NPC1: variants seen among roughly 807,000 people sequenced by gnomAD.
The protein encoded by NPC1 is Niemann-Pick C1 protein.
NPC1 carries 85 observed loss-of-function variants against 140.4 expected under a neutral mutation model. That is an observed-to-expected ratio of 0.61 (90% confidence interval 0.51 to 0.72). The LOEUF is 0.72. Ranked by LOEUF, NPC1 falls within the 30% of genes least tolerant of loss-of-function variation. The pLI, the probability that NPC1 is intolerant of heterozygous loss-of-function variation, is 0.00. For missense variants in NPC1, 1,504 were observed against 1,623.8 expected, an observed-to-expected ratio of 0.93 and a Z score of 1.27; for synonymous variants, 656 against 624.8, an observed-to-expected ratio of 1.05 and a Z score of -0.74.
rs1272422974 is a variant in NPC1 at position 23,586,316 on chromosome 18, G to A, written c.28C>T (p.Leu10Phe). MTARGLALGLLLLLLCPAQV... is the reference protein window; with the variant it reads MTARGLALGFLLLLLCPAQV... ...GCTGGACACAGTAGCAGCAGGAGGA[G>A]GCCAAGGGCCAGGCCGCGAGCGGTC... Residue 10 changes from leucine (L) to phenylalanine (F), a missense_variant, in exon 1 of 25, where the codon CTC becomes TTC. Transcript: ENST00000269228. 2 of 1,534,106 alleles carry A rather than the reference G, an allele frequency of 1.3e-6. No homozygotes were observed. Among genetic ancestry groups the A allele is most frequent in the Admixed American group, 2.0e-5 (1 of 50,968 alleles).
intron 8 of NPC1, among the ~76,000 whole-genome samples, chr18:23,555,750 T>G (rs1213462895): frequency 1.3e-5 from 2 of 152,118 alleles, no homozygotes; most frequent in Admixed American, 1.3e-4. Context: ...ACAGGCTGGG[T>G]GCCCATGTTC....
chr18:23,544,547 A>G, intron 12 of NPC1, 21 bp from the exon 13 acceptor site: 1 of 1,612,392 alleles, frequency 6.2e-7, no homozygotes, highest in South Asian at 1.1e-5. Context: ...CGACAGACAC[A>G]ATCACCAATT....
intron 4 of NPC1, among the ~76,000 whole-genome samples, chr18:23,565,224 T>C (rs997751130): frequency 1.3e-5 from 2 of 152,274 alleles, no homozygotes; most frequent in African/African-American, 2.4e-5. Flanking sequence ...GAGATTGCCC[T>C]GAATCTATAA....
At chr18:23,532,685 G>C (rs185336753) in intron 24 of NPC1, among the ~76,000 whole-genome samples, 1 of 137,756 alleles carries the variant, frequency 7.3e-6, no homozygotes, top group African/African-American at 2.8e-5. Flanking sequence ...GCCTTCCAAA[G>C]TGCTCATCTC....
At chr18:23,570,027 T>C (rs2059178912) in intron 3 of NPC1, among the ~76,000 whole-genome samples, 1 of 152,230 alleles carries the variant, frequency 6.6e-6, no homozygotes. Flanking sequence ...GAAAAAAGTG[T>C]GTCCTGGCCT....
chr18:23,520,431 T>C (rs2058113384), downstream of NPC1: 19 of 863,236 alleles, frequency 2.2e-5, no homozygotes. Flanking sequence ...GATTCCCAGA[T>C]CTGTCTGATT....
downstream of NPC1, chr18:23,528,932 T>C (rs770937862): frequency 3.9e-5 from 15 of 387,984 alleles, no homozygotes; most frequent in Non-Finnish European, 6.0e-5. Flanking sequence ...CAGGCTGGAG[T>C]GCAATGGTGA....
intron 1 of NPC1, among the ~76,000 whole-genome samples, chr18:23,523,299 G>C (rs2058193052): frequency 6.6e-6 from 1 of 152,128 alleles, no homozygotes; most frequent in Non-Finnish European, 1.5e-5. Context: ...CATGGCTCAT[G>C]AGCAGTATAA....
At chr18:23,528,901 C>A, downstream of NPC1, 1 of 274,844 alleles carries the variant, frequency 3.6e-6, no homozygotes. Flanking sequence ...TTTTTTGAGA[C>A]GGAGTTTTGT....
chr18:23,563,670 G>A lies in NPC1; in HGVS notation c.464-2143C>T, dbSNP rs55877882. On this transcript the variant is annotated intron_variant, in intron 4 of 24. Coordinates refer to ENST00000269228, the MANE Select transcript of NPC1 (RefSeq NM_000271.5). The stretch of plus-strand genomic sequence containing the variant: ...CTAAGGTGATCCACCTGCCTTGGCC[G>A]TCCGAAGTGCTGGATTATAGGCATG... Among the ~76,000 whole-genome samples the A allele has an allele frequency of 2.1e-3, 317 of 152,118 alleles. 1 individual carries two copies. Among genetic ancestry groups the A allele is most frequent in the Middle Eastern group, 3.4e-3 (1 of 294 alleles).
chr18:23,574,060 G>A (rs1788826), intron 1 of NPC1, among the ~76,000 whole-genome samples: 114,069 of 152,228 alleles, frequency 0.75, 43,884 homozygotes, highest in East Asian at 0.93. Flanking sequence ...TGTAAAGAGC[G>A]AGAATGAACT....
downstream of NPC1, among the ~76,000 whole-genome samples, chr18:23,526,293 TA>T (rs1441479262): frequency 6.6e-6 from 1 of 152,234 alleles, no homozygotes. Flanking sequence ...CATCTTTTTC[TA>T]TTTTAAACGT....
At chr18:23,549,739 CAACT>C (rs1199297592) in intron 10 of NPC1, among the ~76,000 whole-genome samples, 8 of 147,332 alleles carry the variant, frequency 5.4e-5, no homozygotes, top group African/African-American at 2.1e-4. Context: ...CTTTTTTTCA[CAACT>C]TTTTTTTTTT....
chr18:23,549,585 G>C (rs2058837396), intron 10 of NPC1, among the ~76,000 whole-genome samples: 1 of 150,468 alleles, frequency 6.6e-6, no homozygotes, highest in Non-Finnish European at 1.5e-5. Context: ...GTTGCAGTGA[G>C]CCGAGATCAC....
At position 23,554,822 on chromosome 18, in the gene NPC1, G is replaced by A. The variant is rs770838112; in HGVS notation, c.1489C>T (p.His497Tyr). Residue 497 changes from histidine (H) to tyrosine (Y), a missense_variant, in exon 9 of 25, where the codon CAC becomes TAC. His to Tyr is a moderately conservative substitution (Grantham distance 83, BLOSUM62 2). Coordinates refer to ENST00000269228, the MANE Select transcript of NPC1 (RefSeq NM_000271.5). Reference protein sequence around the residue: ...YFQNSHSVLDHKKGDDFFVYA... With the variant: ...YFQNSHSVLDYKKGDDFFVYA... ...ACAAAGAAGTCGTCCCCTTTCTTGT[G>A]GTCCAGCACGGAATGGCTGTTCTGG... 1.2e-6 allele frequency: 2 copies of A among 1,614,114 alleles called. No individual in the cohort carries two copies. The highest frequency in any genetic ancestry group is 1.3e-5 in the African/African-American group (1 of 75,042).
In NPC1 at chr18:23,544,952, C is replaced by CCCT; in HGVS notation, c.1947+7_1947+8insAGG. ...CTCTAGAACATACACCACCCCCCCC[C>CCCT]GGCTTACCAGAAGCCTGCGACAGCT... On this transcript the variant is annotated splice_region_variant and intron_variant, in intron 12 of 24. Transcript: ENST00000269228. 2.1e-6 allele frequency: 3 copies of CCCT among 1,430,724 alleles called. No individual in the cohort carries two copies. The highest frequency in any genetic ancestry group is 1.2e-5 in the South Asian group (1 of 86,810). 88.6% of individuals were successfully genotyped at this position (1,430,724 alleles called of 1,614,324 possible).
chr18:23,581,895 T>G (rs894872697), intron 1 of NPC1: 1 of 152,232 alleles, frequency 6.6e-6, no homozygotes, highest in Middle Eastern at 3.2e-3. Flanking sequence ...CATTTTTTTA[T>G]GTATCCAGCC....
intron 1 of NPC1, among the ~76,000 whole-genome samples, chr18:23,577,452 T>C (rs7230302): frequency 1.0e-5 from 1 of 98,990 alleles, no homozygotes; most frequent in Non-Finnish European, 2.0e-5. Context: ...TGTTGATTGG[T>C]GCACTCACAA....
intron 1 of NPC1, among the ~76,000 whole-genome samples, chr18:23,574,416 G>A (rs2059246038): frequency 6.6e-6 from 1 of 152,094 alleles, no homozygotes; most frequent in African/African-American, 2.4e-5. Flanking sequence ...AAGCAGCCAT[G>A]GCTCCCAAGA....
Sources: gnomAD v4.1 joint callset for allele counts (sites outside exome capture counted in the v4.1 genomes callset) on GRCh38, gnomAD v4.1.1 for gene constraint, MANE v1.5 for transcripts, NCBI Gene and HGNC (gene_info 2026-07-23, HGNC 2026-07-21) for gene names.